Variants in CCDC170 observed in about 807,000 individuals in gnomAD.
CCDC170 encodes the protein coiled-coil domain containing 170.
CCDC170 carries 69 observed loss-of-function variants against 72.6 expected under a neutral mutation model. That is an observed-to-expected ratio of 0.95 (90% confidence interval 0.78 to 1.16). The LOEUF is 1.16. Among genes scored for constraint, CCDC170 ranks in the 50% most tolerant of loss-of-function variants. The pLI, the probability that CCDC170 is intolerant of heterozygous loss-of-function variation, is 0.00. For synonymous variants in CCDC170, 300 were observed against 303.9 expected, an observed-to-expected ratio of 0.99 and a Z score of 0.13; for missense variants, 852 against 832.5, an observed-to-expected ratio of 1.02 and a Z score of -0.29.
At chr6:151,518,952 C>G (rs1782275001) in intron 1 of CCDC170, among the ~76,000 whole-genome samples, 1 of 152,074 alleles carries the variant, frequency 6.6e-6, no homozygotes, top group South Asian at 2.1e-4. Context: ...AGGCAAAGGG[C>G]AAAGCAAAGA....
At chr6:151,569,458 T>A (rs1333755765) in intron 5 of CCDC170, among the ~76,000 whole-genome samples, 1 of 152,252 alleles carries the variant, frequency 6.6e-6, no homozygotes, top group Admixed American at 6.5e-5. Flanking sequence ...GACTTATTAA[T>A]TATAAAAAAA....
intron 5 of CCDC170, among the ~76,000 whole-genome samples, chr6:151,552,291 G>A (rs558085939): frequency 1.5e-5 from 2 of 130,852 alleles, no homozygotes; most frequent in African/African-American, 3.0e-5. Context: ...GTTTGACTAC[G>A]AATCTCTTTG....
chr6:151,509,377 T>A (rs1454856656), intron 1 of CCDC170, among the ~76,000 whole-genome samples: 1 of 152,202 alleles, frequency 6.6e-6, no homozygotes, highest in Non-Finnish European at 1.5e-5. Context: ...TTGCATTCAT[T>A]ATTCTTGACA....
chr6:151,538,231 A>G lies in CCDC170; in HGVS notation c.373A>G (p.Thr125Ala). 1.2e-6 allele frequency: 2 copies of G among 1,613,954 alleles called. No homozygotes were observed. Among genetic ancestry groups the G allele is most frequent in the Non-Finnish European group, 1.7e-6 (2 of 1,179,864 alleles). The change falls in exon 3 of 11, where the codon ACA becomes GCA. Residue 125 changes from threonine to alanine, a missense_variant. By Grantham distance (58) the Thr-to-Ala change is moderately conservative (BLOSUM62 0). Transcript: ENST00000239374. ...CACTTCTAAAATCAGAACAGAAATCACAGCTCACGCTGCAATCAAGGAGAA... is the reference window on the plus strand; with the variant it reads ...CACTTCTAAAATCAGAACAGAAATCGCAGCTCACGCTGCAATCAAGGAGAA... ...LSTSKIRTEI[T>A]AHAAIKENQE... is the part of the protein sequence containing the mutation.
At chr6:151,614,765 T>A (rs1056221236) in intron 9 of CCDC170, among the ~76,000 whole-genome samples, 107 of 152,204 alleles carry the variant, frequency 7.0e-4, no homozygotes, top group African/African-American at 2.5e-3. Flanking sequence ...AAATTCTTTT[T>A]GTAAGTAACT....
At chr6:151,529,517 C>T (rs1400561440) in intron 1 of CCDC170, among the ~76,000 whole-genome samples, 2 of 151,884 alleles carry the variant, frequency 1.3e-5, no homozygotes, top group African/African-American at 4.8e-5. Flanking sequence ...ATTAGCTGGG[C>T]ATTGTGGTGC....
chr6:151,594,336 T>C (rs1259759453), intron 8 of CCDC170, among the ~76,000 whole-genome samples: 1 of 152,216 alleles, frequency 6.6e-6, no homozygotes, highest in Non-Finnish European at 1.5e-5. Context: ...ATGGGGATGC[T>C]ATATACCCCA....
chr6:151,604,215 C>T (rs1326347866), intron 9 of CCDC170, among the ~76,000 whole-genome samples: 1 of 152,180 alleles, frequency 6.6e-6, no homozygotes, highest in Admixed American at 6.5e-5. Flanking sequence ...ACATTCCTTC[C>T]CCACTCCAGA....
At chr6:151,609,474 C>A (rs896927576) in intron 9 of CCDC170, among the ~76,000 whole-genome samples, 3 of 152,188 alleles carry the variant, frequency 2.0e-5, no homozygotes, top group Admixed American at 1.3e-4. Flanking sequence ...GCCCTTATAA[C>A]ATGAGAGAAT....
At chr6:151,546,989 C>T in intron 4 of CCDC170, among the ~76,000 whole-genome samples, 1 of 86,808 alleles carries the variant, frequency 1.2e-5, no homozygotes, top group African/African-American at 4.9e-5. Context: ...AGGTGCCTGT[C>T]TTAAGAAGAA....
At chr6:151,556,384 G>A (rs1324049081) in intron 5 of CCDC170, among the ~76,000 whole-genome samples, 1 of 152,242 alleles carries the variant, frequency 6.6e-6, no homozygotes, top group African/African-American at 2.4e-5. Flanking sequence ...GAACCTGGGA[G>A]GTGGAGTTTG....
chr6:151,559,164 A>G (rs1783036100), intron 5 of CCDC170, among the ~76,000 whole-genome samples: 1 of 151,980 alleles, frequency 6.6e-6, no homozygotes, highest in South Asian at 2.1e-4. Flanking sequence ...GGCACATGCC[A>G]CCATGCCCGG....
chr6:151,524,929 C>CTTTTTTTTT (rs34288029), intron 1 of CCDC170, among the ~76,000 whole-genome samples: 25 of 110,012 alleles, frequency 2.3e-4, no homozygotes, highest in African/African-American at 4.1e-4. Flanking sequence ...TAGTCTGATT[C>CTTTTTTTTT]TTTTTTTTTT....
intron 10 of CCDC170, among the ~76,000 whole-genome samples, chr6:151,617,408 CTTTTTTTTTTTTTTTTTTTTTTTTTT>C (rs745655791): frequency 0.013 from 1,168 of 91,474 alleles, 17 homozygotes; most frequent in African/African-American, 0.026. Flanking sequence ...GCTGTTTGTT[CTTTTTTTTTTTTTTTTTTTTTTTTTT>C]TTTTTTTTTT....
intron 6 of CCDC170, among the ~76,000 whole-genome samples, chr6:151,574,912 C>T (rs1353155403): frequency 6.6e-6 from 1 of 152,166 alleles, no homozygotes; most frequent in Non-Finnish European, 1.5e-5. Context: ...CTTCTTCCTC[C>T]TTCTCTCCTT....
chr6:151,511,417 T>C (rs961143043), intron 1 of CCDC170, among the ~76,000 whole-genome samples: 1 of 152,234 alleles, frequency 6.6e-6, no homozygotes, highest in Non-Finnish European at 1.5e-5. Context: ...CTATTTATCT[T>C]CCCATCCATG....
At chr6:151,541,265 C>G (rs190108237) in intron 3 of CCDC170, among the ~76,000 whole-genome samples, 1 of 152,144 alleles carries the variant, frequency 6.6e-6, no homozygotes. Context: ...TCTTGCCCCT[C>G]TTTCCTTCCT....
chr6:151,587,624 T>C (rs2115106894), intron 7 of CCDC170, among the ~76,000 whole-genome samples: 1 of 152,330 alleles, frequency 6.6e-6, no homozygotes, highest in South Asian at 2.1e-4. Flanking sequence ...TCATCATGCC[T>C]GCATTGAGGT....
chr6:151,609,241 G>A (rs1348570213), intron 9 of CCDC170, among the ~76,000 whole-genome samples: 1 of 152,084 alleles, frequency 6.6e-6, no homozygotes, highest in East Asian at 1.9e-4. Flanking sequence ...TTAAGTTTTT[G>A]TGTCCTTTTC....
Sources: allele counts gnomAD v4.1 joint callset (sites outside exome capture counted in the v4.1 genomes callset), GRCh38; gene constraint gnomAD v4.1.1; transcripts MANE v1.5; gene names NCBI Gene and HGNC (gene_info 2026-07-23, HGNC 2026-07-21).